The following SLC16A2 variants were observed in gnomAD, a reference collection of about 807,000 sequenced individuals.
The protein encoded by SLC16A2 is monocarboxylate transporter 8.
SLC16A2 carries 3 observed loss-of-function variants against 27.2 expected under a neutral mutation model. That is an observed-to-expected ratio of 0.11 (90% CI 0.05 to 0.28). The LOEUF (loss-of-function observed/expected upper bound fraction) is 0.28, where lower values mean the gene tolerates loss of function less well. SLC16A2 is among the 10% of genes least tolerant of loss of function. The probability of loss-of-function intolerance (pLI) is 1.00; values close to 1 mark genes in which losing one functional copy is unlikely to be tolerated. For synonymous variants in SLC16A2, 202 were observed against 187.8 expected, an observed-to-expected ratio of 1.08 and a Z score of -0.62; for missense variants, 295 against 458.5, an observed-to-expected ratio of 0.64 and a Z score of 3.26.
intron 1 of SLC16A2, among the ~76,000 whole-genome samples, chrX:74,455,975 A>C (rs1929036251): frequency 8.9e-6 from 1 of 112,186 alleles, no homozygotes; most frequent in Non-Finnish European, 1.9e-5. Flanking sequence ...GCTGTGGGGA[A>C]CTGAAGAGAA....
At chrX:74,498,417 G>C (rs1174624205) in intron 1 of SLC16A2, among the ~76,000 whole-genome samples, 1 of 109,789 alleles carries the variant, frequency 9.1e-6, no homozygotes, top group Admixed American at 9.7e-5. Flanking sequence ...CCTCAACCCA[G>C]AGGCAGTCTC....
intron 1 of SLC16A2, among the ~76,000 whole-genome samples, chrX:74,512,245 T>G (rs1432823032): frequency 8.9e-6 from 1 of 112,103 alleles, no homozygotes; most frequent in East Asian, 2.8e-4. Context: ...TGAAGAGGTG[T>G]GGTGATGGGG....
chrX:74,500,182 G>A (rs911473373), intron 1 of SLC16A2, among the ~76,000 whole-genome samples: 13 of 110,942 alleles, frequency 1.2e-4, no homozygotes, highest in Non-Finnish European at 2.1e-4. Context: ...TAAAACTGGC[G>A]TAAGGTCTGC....
At chrX:74,512,741 G>A (rs1250121943) in intron 1 of SLC16A2, among the ~76,000 whole-genome samples, 1 of 111,871 alleles carries the variant, frequency 8.9e-6, no homozygotes, top group African/African-American at 3.3e-5. Context: ...GCCTGGGTAA[G>A]GAGCCAAGGC....
chrX:74,424,272 G>A (rs187758997), intron 1 of SLC16A2, among the ~76,000 whole-genome samples: 1 of 111,398 alleles, frequency 9.0e-6, no homozygotes, highest in Non-Finnish European at 1.9e-5. Context: ...TTTGGCTTGG[G>A]TCCTTGCTGT....
rs1928295188 is a variant in SLC16A2, at chrX:74,421,636, C to G, written c.-2C>G. ...CCAAGCAGCCACAGTCCCCCCGCCG[C>G]GATGGCGCTGCAAAGCCAGGCGAGC... On this transcript the variant is annotated 5_prime_UTR_variant, in exon 1 of 6. Transcript: ENST00000587091. 1 of 1,204,154 alleles carries G rather than the reference C, an allele frequency of 8.3e-7. No homozygotes were observed. Among genetic ancestry groups the G allele is most frequent in the Non-Finnish European group, 1.1e-6 (1 of 893,731 alleles).
chrX:74,492,706 C>T (rs760326156), intron 1 of SLC16A2, among the ~76,000 whole-genome samples: 6 of 111,565 alleles, frequency 5.4e-5, no homozygotes, highest in African/African-American at 2.0e-4. Flanking sequence ...TACTCTCAGT[C>T]TTTATACTGA....
chrX:74,463,590 G>A (rs923357597), intron 1 of SLC16A2, among the ~76,000 whole-genome samples: 3 of 110,373 alleles, frequency 2.7e-5, no homozygotes, highest in Non-Finnish European at 1.9e-5. Context: ...GCAGTGGCAC[G>A]ATCTCGGCTC....
chrX:74,426,859 C>T (rs1928410261), intron 1 of SLC16A2, among the ~76,000 whole-genome samples: 1 of 112,420 alleles, frequency 8.9e-6, no homozygotes, highest in African/African-American at 3.2e-5. Context: ...GCCCTATATA[C>T]ATCATTTCCC....
At chrX:74,506,935 T>C (rs1307721820) in intron 1 of SLC16A2, among the ~76,000 whole-genome samples, 3 of 29,639 alleles carry the variant, frequency 1.0e-4, no homozygotes, top group Non-Finnish European at 3.5e-4. Context: ...ATTTATTTAT[T>C]TATTTTTTTT....
intron 1 of SLC16A2, among the ~76,000 whole-genome samples, chrX:74,488,001 A>G (rs1929751763): frequency 8.9e-6 from 1 of 112,149 alleles, no homozygotes; most frequent in Admixed American, 9.5e-5. Flanking sequence ...ATTCTCAGTT[A>G]TGTTTTAACA....
intron 1 of SLC16A2, among the ~76,000 whole-genome samples, chrX:74,428,795 G>C (rs1401387367): frequency 4.5e-5 from 5 of 111,851 alleles, no homozygotes; most frequent in African/African-American, 1.6e-4. Flanking sequence ...TAGTAACCCA[G>C]CTCAGAAGGT....
intron 1 of SLC16A2, among the ~76,000 whole-genome samples, chrX:74,505,881 T>C (rs992350990): frequency 1.8e-5 from 2 of 111,983 alleles, no homozygotes; most frequent in Admixed American, 9.5e-5. Context: ...AGGGCCCTAT[T>C]CAGTCTCAAG....
intron 1 of SLC16A2, among the ~76,000 whole-genome samples, chrX:74,517,287 A>T (rs1482907738): frequency 8.9e-6 from 1 of 112,085 alleles, no homozygotes; most frequent in Admixed American, 9.4e-5. Context: ...ATTTTTTTTT[A>T]AATGAAATAG....
In SLC16A2 at chrX:74,531,662, A is replaced by T; in HGVS notation, c.*109A>T. 1 of 586,268 alleles carries T rather than the reference A, an allele frequency of 1.7e-6. No homozygotes were observed. The allele number at this position is 586,268 out of a possible 1,213,427, so 48.3% of individuals were successfully genotyped here. ...CACTTGTTCCCAGACCTGCGCACAC[A>T]GCATTTCAGCCACCTGACAATCTCC... On this transcript the variant is annotated 3_prime_UTR_variant, in exon 6 of 6. Coordinates refer to ENST00000587091, the MANE Select transcript of SLC16A2 (RefSeq NM_006517.5).
intron 1 of SLC16A2, among the ~76,000 whole-genome samples, chrX:74,470,610 T>A (rs979904056): frequency 2.7e-5 from 3 of 111,972 alleles, no homozygotes; most frequent in Non-Finnish European, 3.8e-5. Context: ...TCACCATACA[T>A]ATATATTTTC....
intron 1 of SLC16A2, among the ~76,000 whole-genome samples, chrX:74,485,806 G>A (rs1261004352): frequency 1.8e-5 from 2 of 111,371 alleles, no homozygotes; most frequent in Non-Finnish European, 3.8e-5. Context: ...GAGCAGCAAT[G>A]GGTGCCTGGC....
At chrX:74,437,260 T>G (rs1289446392) in intron 1 of SLC16A2, among the ~76,000 whole-genome samples, 1 of 112,268 alleles carries the variant, frequency 8.9e-6, no homozygotes, top group African/African-American at 3.2e-5. Context: ...TAAGGCCCCC[T>G]GCAGGAAGCT....
intron 1 of SLC16A2, among the ~76,000 whole-genome samples, chrX:74,429,654 C>T (rs1928497981): frequency 8.9e-6 from 1 of 111,781 alleles, no homozygotes; most frequent in African/African-American, 3.3e-5. Context: ...CCCGCTTATC[C>T]AGACTGGAAG....
Sources: gnomAD v4.1 joint callset for allele counts (sites outside exome capture counted in the v4.1 genomes callset) on GRCh38, gnomAD v4.1.1 for gene constraint, MANE v1.5 for transcripts, NCBI Gene and HGNC (gene_info 2026-07-23, HGNC 2026-07-21) for gene names.